The following DCLK2 variants were observed in gnomAD, a reference collection of about 807,000 sequenced individuals.
DCLK2 encodes doublecortin like kinase 2, also known as serine/threonine-protein kinase DCLK2.
DCLK2 carries 31 observed loss-of-function variants against 78.4 expected under a neutral mutation model. The ratio of observed to expected loss-of-function variants is 0.40; its 90% confidence interval spans 0.30 to 0.53. The LOEUF is 0.53. Among genes scored for constraint, DCLK2 ranks in the 20% least tolerant of loss-of-function variants. DCLK2 has a pLI of 0.61. For synonymous variants in DCLK2, 407 were observed against 374.9 expected (o/e 1.09, Z -0.99); for missense variants, 872 against 973.7 (o/e 0.90, Z 1.39).
At chr4:150,114,768 T>C (rs1444057857) in intron 2 of DCLK2, among the ~76,000 whole-genome samples, 1 of 152,236 alleles carries the variant, frequency 6.6e-6, no homozygotes, top group East Asian at 1.9e-4. Context: ...ATTAGTCTGA[T>C]AGGTTGTCCT....
At chr4:150,191,250 T>C (rs993827751) in intron 2 of DCLK2, among the ~76,000 whole-genome samples, 1 of 151,980 alleles carries the variant, frequency 6.6e-6, no homozygotes, top group African/African-American at 2.4e-5. Context: ...AATGCACCCT[T>C]TGAAGGAGCA....
At chr4:150,229,570 T>G (rs1741885121) in intron 8 of DCLK2, among the ~76,000 whole-genome samples, 1 of 152,154 alleles carries the variant, frequency 6.6e-6, no homozygotes, top group Non-Finnish European at 1.5e-5. Flanking sequence ...GACTGCTTTA[T>G]GGGCTGGGAT....
intron 4 of DCLK2, chr4:150,198,919 C>T: frequency 1.6e-6 from 1 of 617,452 alleles, no homozygotes; most frequent in Non-Finnish European, 2.7e-6. Context: ...CACCCCCCCC[C>T]CCACTTTCTG....
At chr4:150,228,041 TG>T (rs1451307542) in intron 8 of DCLK2, among the ~76,000 whole-genome samples, 1 of 152,168 alleles carries the variant, frequency 6.6e-6, no homozygotes, top group Non-Finnish European at 1.5e-5. Context: ...GCAGTATTCT[TG>T]GGTTGTGATC....
chr4:150,132,398 G>T (rs1183131744), intron 2 of DCLK2, among the ~76,000 whole-genome samples: 1 of 152,240 alleles, frequency 6.6e-6, no homozygotes, highest in Non-Finnish European at 1.5e-5. Flanking sequence ...ACCCTATGCA[G>T]AATGCAGTGT....
At chr4:150,237,425 C>G (rs1320134187) in intron 10 of DCLK2, among the ~76,000 whole-genome samples, 1 of 152,106 alleles carries the variant, frequency 6.6e-6, no homozygotes, top group South Asian at 2.1e-4. Flanking sequence ...ACTCAAAATC[C>G]TCATCATTAC....
Position 150,224,488 on chromosome 4 carries a change from G to C in DCLK2, c.1242-13G>C. On this transcript the variant is annotated splice_polypyrimidine_tract_variant and intron_variant, in intron 7 of 15. Transcript: ENST00000296550. ...TTATGTCTTTAAATGGTCTTCCTCT[G>C]ATTATTCCATAGGTCCACTGGAAAG... is the stretch of plus-strand genomic sequence containing the variant. 5 of 1,601,158 alleles carry C rather than the reference G, an allele frequency of 3.1e-6. No homozygotes were observed. Among genetic ancestry groups the C allele is most frequent in the Non-Finnish European group, 3.4e-6 (4 of 1,174,876 alleles).
At chr4:150,215,112 A>T (rs865836997) in intron 5 of DCLK2, among the ~76,000 whole-genome samples, 5 of 152,190 alleles carry the variant, frequency 3.3e-5, no homozygotes, top group East Asian at 3.9e-4. Context: ...TCCTTTTATT[A>T]AAAAAAATGA....
intron 2 of DCLK2, among the ~76,000 whole-genome samples, chr4:150,135,595 A>T (rs1263681743): frequency 6.6e-6 from 1 of 152,194 alleles, no homozygotes; most frequent in Non-Finnish European, 1.5e-5. Flanking sequence ...TGCTGCAGTG[A>T]AATGATGTAA....
At chr4:150,116,577 G>A (rs1732110334) in intron 2 of DCLK2, among the ~76,000 whole-genome samples, 1 of 152,210 alleles carries the variant, frequency 6.6e-6, no homozygotes, top group South Asian at 2.1e-4. Context: ...GCTAGGGAAT[G>A]TCTTCAAGGG....
chr4:150,125,033 A>G (rs1387374802), intron 2 of DCLK2, among the ~76,000 whole-genome samples: 3 of 152,230 alleles, frequency 2.0e-5, no homozygotes, highest in African/African-American at 7.2e-5. Flanking sequence ...TACAGTGACA[A>G]ATGCCATTAG....
chr4:150,179,897 G>C (rs548563903), intron 2 of DCLK2, among the ~76,000 whole-genome samples: 5 of 152,106 alleles, frequency 3.3e-5, no homozygotes, highest in Non-Finnish European at 5.9e-5. Flanking sequence ...CGTAAGGTAT[G>C]GGAGATTGGC....
At chr4:150,221,265 C>G (rs1318506987) in intron 6 of DCLK2, among the ~76,000 whole-genome samples, 1 of 151,192 alleles carries the variant, frequency 6.6e-6, no homozygotes, top group Non-Finnish European at 1.5e-5. Flanking sequence ...GAAGAGAAAT[C>G]TTGGACATTT....
chr4:150,254,885 C>T (rs934927910), intron 15 of DCLK2, among the ~76,000 whole-genome samples: 4 of 152,062 alleles, frequency 2.6e-5, no homozygotes, highest in Admixed American at 1.3e-4. Context: ...TCTGTGTTGC[C>T]CAGGCTGGTC....
chr4:150,112,629 A>AT (rs527680922), intron 2 of DCLK2, among the ~76,000 whole-genome samples: 50 of 150,552 alleles, frequency 3.3e-4, no homozygotes, highest in African/African-American at 6.1e-4. Context: ...GGTTTTCTTT[A>AT]TTTTTTTTAT....
intron 2 of DCLK2, among the ~76,000 whole-genome samples, chr4:150,104,989 C>G (rs986883527): frequency 2.0e-5 from 3 of 151,942 alleles, no homozygotes; most frequent in Non-Finnish European, 2.9e-5. Context: ...GATGGGGAAC[C>G]TAACAAAATG....
intron 2 of DCLK2, among the ~76,000 whole-genome samples, chr4:150,128,362 T>C (rs920314942): frequency 2.6e-5 from 4 of 152,006 alleles, no homozygotes; most frequent in South Asian, 4.1e-4. Context: ...TAGATATGTG[T>C]GTGTAATAGA....
At chr4:150,097,910 T>C (rs1730582628) in intron 1 of DCLK2, among the ~76,000 whole-genome samples, 1 of 152,182 alleles carries the variant, frequency 6.6e-6, no homozygotes, top group Non-Finnish European at 1.5e-5. Flanking sequence ...GGAGAATGAA[T>C]ATGGATATAT....
intron 14 of DCLK2, among the ~76,000 whole-genome samples, chr4:150,249,272 C>A (rs1225664367): frequency 6.6e-6 from 1 of 152,110 alleles, no homozygotes; most frequent in Non-Finnish European, 1.5e-5. Context: ...GTGAGGGTCT[C>A]AGTAGCCTAA....
Sources: gnomAD v4.1 joint callset for allele counts (sites outside exome capture counted in the v4.1 genomes callset) on GRCh38, gnomAD v4.1.1 for gene constraint, MANE v1.5 for transcripts, NCBI Gene and HGNC (gene_info 2026-07-23, HGNC 2026-07-21) for gene names.